ZNF705G: variants seen among roughly 807,000 people sequenced by gnomAD.
ZNF705G encodes the protein zinc finger protein 705G.
Under a neutral mutation model 19.6 loss-of-function variants are expected in ZNF705G, and 23 were observed. The observed-to-expected ratio is 1.17, with a 90% CI of 0.84 to 1.66. The LOEUF (loss-of-function observed/expected upper bound fraction) is 1.66, where lower values mean the gene tolerates loss of function less well. ZNF705G is among the 40% of genes most tolerant of loss of function. The probability of loss-of-function intolerance (pLI) is 0.00; values close to 1 mark genes in which losing one functional copy is unlikely to be tolerated. For missense variants in ZNF705G, 457 were observed against 354.4 expected, an observed-to-expected ratio of 1.29 and a Z score of -2.32; for synonymous variants, 146 against 117.7, an observed-to-expected ratio of 1.24 and a Z score of -1.56.
Position 7,359,618 on chromosome 8 carries a change from C to G in ZNF705G, c.318+1G>C. 6.2e-7 allele frequency: 1 copy of G among 1,606,386 alleles called. No homozygotes were observed. The highest frequency in any genetic ancestry group is 8.5e-7 in the Non-Finnish European group (1 of 1,179,196). Reference sequence around the variant, plus strand: ...CTGGTGTACACAGCTATAAAACTTACCATTGTCATACTGGTGGATGCGTCT... The same window carrying G: ...CTGGTGTACACAGCTATAAAACTTAGCATTGTCATACTGGTGGATGCGTCT... On this transcript the variant is annotated splice_donor_variant, in intron 6 of 6. Transcript: ENST00000400156. LOFTEE classifies it high-confidence loss of function.
At chr8:7,378,154 CT>C (rs1383828237) in intron 2 of ZNF705G, among the ~76,000 whole-genome samples, 9 of 145,856 alleles carry the variant, frequency 6.2e-5, no homozygotes, top group East Asian at 4.0e-4. Flanking sequence ...GACCACTCCC[CT>C]TTTTTACTAG....
chr8:7,368,753 G>C (rs1220774295), intron 2 of ZNF705G, among the ~76,000 whole-genome samples: 2 of 149,750 alleles, frequency 1.3e-5, no homozygotes, highest in African/African-American at 5.1e-5. Context: ...GCTGGGCCCA[G>C]TGCAAGCACA....
chr8:7,362,770 G>C (rs967877523), intron 3 of ZNF705G, among the ~76,000 whole-genome samples, 165 bp downstream of exon 3: 1 of 149,266 alleles, frequency 6.7e-6, no homozygotes, highest in Admixed American at 6.6e-5. Context: ...ATACCTGAAA[G>C]CCTCCTGATT....
chr8:7,364,753 C>A (rs1281640559), intron 2 of ZNF705G, among the ~76,000 whole-genome samples: 1 of 149,402 alleles, frequency 6.7e-6, no homozygotes, highest in Admixed American at 6.6e-5. Context: ...ATTCCTTGGA[C>A]TATTTTCTAC....
In ZNF705G at chr8:7,355,549, A is replaced by G. The variant is rs1223324108; in HGVS notation, c.*2427T>C. 4 of 149,976 alleles carry G rather than the reference A, an allele frequency of 2.7e-5. No homozygotes were observed. Among genetic ancestry groups the G allele is most frequent in the Non-Finnish European group, 4.4e-5 (3 of 68,064 alleles). 9.3% of individuals were successfully genotyped at this position (149,976 alleles called of 1,614,324 possible). A position where few individuals can be genotyped will look rare whatever the true frequency, so the allele number is the denominator to read the frequency against. On this transcript the variant is annotated 3_prime_UTR_variant, in exon 7 of 7. Transcript: ENST00000400156. ...TGTGCTTTAATTAAAGAAGATGGAA[A>G]TAAAGAAGCAAATTCAAAAATCAGT...
intron 1 of ZNF705G, among the ~76,000 whole-genome samples, chr8:7,383,125 AT>A (rs5889203): frequency 0.12 from 14,674 of 123,666 alleles, 69 homozygotes; most frequent in African/African-American, 0.17. Flanking sequence ...TCAATGTTTG[AT>A]TTTTTTTTTT....
intron 1 of ZNF705G, among the ~76,000 whole-genome samples, chr8:7,384,577 A>G (rs1807648733): frequency 6.8e-6 from 1 of 146,040 alleles, no homozygotes; most frequent in Non-Finnish European, 1.5e-5. Context: ...TTTCCTCCAT[A>G]AAGCCTGGAA....
Position 7,357,962 on chromosome 8 carries a change from C to A in ZNF705G, c.*14G>T. Reference sequence around the variant, plus strand: ...GCATTCATATGGCTTTTCTCCAGTGCGTGTTCTCTCATGTCATCTAAGGTT... The same window carrying A: ...GCATTCATATGGCTTTTCTCCAGTGAGTGTTCTCTCATGTCATCTAAGGTT... On this transcript the variant is annotated 3_prime_UTR_variant, in exon 7 of 7. Transcript: ENST00000400156. The A allele has an allele frequency of 1.9e-6, 3 of 1,604,078 alleles. No homozygotes were observed. The highest frequency in any genetic ancestry group is 1.1e-5 in the South Asian group (1 of 90,512).
intron 2 of ZNF705G, among the ~76,000 whole-genome samples, chr8:7,381,081 G>C (rs565980422): frequency 1.5e-5 from 2 of 132,894 alleles, no homozygotes; most frequent in Non-Finnish European, 3.0e-5. Flanking sequence ...GTGATGTCTG[G>C]TAAACAGAAA....
intron 2 of ZNF705G, among the ~76,000 whole-genome samples, chr8:7,369,084 C>A (rs1160680976): frequency 1.3e-5 from 2 of 149,544 alleles, no homozygotes; most frequent in Non-Finnish European, 2.9e-5. Context: ...AAACTGGTTT[C>A]CCCTTATCAA....
In ZNF705G at chr8:7,356,701, A is replaced by G. The variant is rs1250794780; in HGVS notation, c.*1275T>C. ...ACTGGGGAGACTCAGAAGTTGGGGT[A>G]GAATCTCGACCAAGAATCTCACCCA... On this transcript the variant is annotated 3_prime_UTR_variant, in exon 7 of 7. Transcript: ENST00000400156. The G allele has an allele frequency of 6.7e-6, 1 of 149,700 alleles. No individual in the cohort carries two copies. Among genetic ancestry groups the G allele is most frequent in the Admixed American group, 6.6e-5 (1 of 15,222 alleles). 9.3% of individuals were successfully genotyped at this position (149,700 alleles called of 1,614,324 possible). A position where few individuals can be genotyped will look rare whatever the true frequency, so the allele number is the denominator to read the frequency against.
In ZNF705G at chr8:7,362,066, T is replaced by C. The variant is rs1457785542; in HGVS notation, c.13-830A>G. On this transcript the variant is annotated intron_variant, in intron 3 of 6. Coordinates refer to ENST00000400156, the MANE Select transcript of ZNF705G (RefSeq NM_001164457.3). ...TCGGCAATCCAAACATCAGTTATCA[T>C]CGTTTCTCTTTTAAATTTACCTTCT... Among the ~76,000 whole-genome samples, 4 of 149,566 alleles carry C rather than the reference T, an allele frequency of 2.7e-5. 1 individual carries two copies. Among genetic ancestry groups the C allele is most frequent in the Non-Finnish European group, 5.9e-5 (4 of 68,010 alleles).
intron 2 of ZNF705G, among the ~76,000 whole-genome samples, chr8:7,379,452 A>G (rs1416940445): frequency 1.4e-5 from 2 of 147,074 alleles, no homozygotes; most frequent in Non-Finnish European, 2.9e-5. Flanking sequence ...GGTCTTCAAG[A>G]TGGCTGACTA....
rs1402017516 is a variant in ZNF705G, at chr8:7,360,434, G to C, written c.140-102C>G. ...ATCAAGGAAGAATAAAAACAGTGAA[G>C]GTCAGCTCAGGCCACAAGACCTAGA... On this transcript the variant is annotated intron_variant, in intron 4 of 6. Transcript: ENST00000400156. 2.4e-5 allele frequency: 37 copies of C among 1,547,050 alleles called. 1 individual carries two copies. Among genetic ancestry groups the C allele is most frequent in the African/African-American group, 4.7e-5 (3 of 64,200 alleles).
chr8:7,369,442 T>C (rs1563297170), intron 2 of ZNF705G, among the ~76,000 whole-genome samples: 2 of 149,346 alleles, frequency 1.3e-5, no homozygotes, highest in Non-Finnish European at 2.9e-5. Flanking sequence ...ACAGCCACCA[T>C]CCTCCAGACC....
At chr8:7,367,953 A>C (rs1806935460) in intron 2 of ZNF705G, among the ~76,000 whole-genome samples, 1 of 149,624 alleles carries the variant, frequency 6.7e-6, no homozygotes, top group Non-Finnish European at 1.5e-5. Context: ...CAAAAATAAA[A>C]AGTTGGAGGA....
At chr8:7,376,463 T>C (rs1807243616) in intron 2 of ZNF705G, among the ~76,000 whole-genome samples, 1 of 113,922 alleles carries the variant, frequency 8.8e-6, no homozygotes, top group Non-Finnish European at 1.8e-5. Context: ...TGCTCTGTGT[T>C]ACATACAAAG....
chr8:7,372,370 G>T (rs1250827018), intron 2 of ZNF705G, among the ~76,000 whole-genome samples: 2 of 151,992 alleles, frequency 1.3e-5, no homozygotes, highest in Non-Finnish European at 2.9e-5. Flanking sequence ...ACCTTTATAG[G>T]TGCTATCAAG....
intron 2 of ZNF705G, among the ~76,000 whole-genome samples, chr8:7,365,464 C>T (rs1365181445): frequency 2.7e-5 from 4 of 147,582 alleles, no homozygotes; most frequent in Non-Finnish European, 5.9e-5. Context: ...CCGCAACCTC[C>T]ACCTCCCGGG....
Sources: gnomAD v4.1 joint callset for allele counts (sites outside exome capture counted in the v4.1 genomes callset) on GRCh38, gnomAD v4.1.1 for gene constraint, MANE v1.5 for transcripts, NCBI Gene and HGNC (gene_info 2026-07-23, HGNC 2026-07-21) for gene names.